The following FOXP1 variants were observed in gnomAD, a reference collection of about 807,000 sequenced individuals.
FOXP1 encodes forkhead box P1.
A neutral mutation model predicts 98.2 loss-of-function variants in FOXP1; 15 were observed. That is an observed-to-expected ratio of 0.15 (90% CI 0.10 to 0.24). The LOEUF is 0.24. Ranked by LOEUF, FOXP1 falls within the 10% of genes least tolerant of loss-of-function variation. FOXP1 has a pLI of 1.00. For missense variants in FOXP1, 633 were observed against 848.5 expected (o/e 0.75, Z 3.15); for synonymous variants, 371 against 314.5 (o/e 1.18, Z -1.90).
chr3:71,286,527 C>G, intron 5 of FOXP1, among the ~76,000 whole-genome samples: 1 of 152,062 alleles, frequency 6.6e-6, no homozygotes, highest in Non-Finnish European at 1.5e-5. Context: ...CAACTATAAA[C>G]AAATTTATAT....
chr3:71,103,027 G>T (rs1165473400), intron 7 of FOXP1, among the ~76,000 whole-genome samples: 1 of 152,132 alleles, frequency 6.6e-6, no homozygotes, highest in African/African-American at 2.4e-5. Context: ...TATTTAATAT[G>T]ATAACTATTA....
At chr3:71,137,794 T>TC (rs11419692) in intron 6 of FOXP1, among the ~76,000 whole-genome samples, 2 of 35,006 alleles carry the variant, frequency 5.7e-5, no homozygotes, top group African/African-American at 6.9e-5. Flanking sequence ...ATTTATTTAT[T>TC]ATTATTTTTT....
At chr3:71,239,040 G>A (rs1242045087) in intron 5 of FOXP1, among the ~76,000 whole-genome samples, 3 of 152,166 alleles carry the variant, frequency 2.0e-5, no homozygotes, top group Non-Finnish European at 4.4e-5. Flanking sequence ...TGAGAATTCA[G>A]ATAAACATTC....
chr3:70,964,947 A>C lies in FOXP1; in HGVS notation c.1889+943T>G, dbSNP rs1379836546. On this transcript the variant is annotated intron_variant, in intron 20 of 20. Transcript: ENST00000649528. ...GTCATAATTTCCATTCCGATCACTT[A>C]AATTATCTTAAAATAAGATGTTGGT... Among the ~76,000 whole-genome samples, 6 of 152,328 alleles carry C rather than the reference A, an allele frequency of 3.9e-5. No homozygotes were observed. In the East Asian group the frequency reaches 1.2e-3, roughly 29 times the overall value.
At chr3:70,963,490 T>G (rs1179037789) in intron 20 of FOXP1, among the ~76,000 whole-genome samples, 1 of 152,210 alleles carries the variant, frequency 6.6e-6, no homozygotes, top group Non-Finnish European at 1.5e-5. Flanking sequence ...CCGTGTCTCC[T>G]GGAAGTTAGG....
chr3:71,261,004 T>G (rs1003201407), intron 5 of FOXP1, among the ~76,000 whole-genome samples: 1 of 152,216 alleles, frequency 6.6e-6, no homozygotes, highest in Admixed American at 6.5e-5. Context: ...TAGAATTTGT[T>G]AAACCATTAA....
intron 4 of FOXP1, chr3:71,334,830 A>G (rs2076572292): frequency 6.6e-6 from 1 of 152,258 alleles, no homozygotes; most frequent in Admixed American, 6.5e-5. Flanking sequence ...ACAGACATTG[A>G]CATAAGGACT....
chr3:71,490,814 A>G (rs762781381), intron 3 of FOXP1, among the ~76,000 whole-genome samples: 3 of 152,198 alleles, frequency 2.0e-5, no homozygotes, highest in Admixed American at 6.5e-5. Context: ...GTTAAATTTC[A>G]TATATCAATT....
rs1491268847 is a variant in FOXP1 at position 71,308,749 on chromosome 3, A to ATATGTG, written c.-72-8870_-72-8869insCACATA. On this transcript the variant is annotated intron_variant, in intron 4 of 20. Transcript: ENST00000649528. ...AATTATTATGAAGCATTCTACCACAATGTGTGTGTGTGTGTGTGTGTGTGT... is the reference window on the plus strand; with the variant it reads ...AATTATTATGAAGCATTCTACCACAATATGTGTGTGTGTGTGTGTGTGTGTGTGTGT... Among the ~76,000 whole-genome samples the ATATGTG allele has an allele frequency of 2.3e-5, 3 of 132,214 alleles. No individual in the cohort carries two copies. In the East Asian group the frequency reaches 7.6e-4, roughly 34 times the overall value. The allele number at this position is 132,214 out of a possible 152,430, so 86.7% of individuals were successfully genotyped here. A position where few individuals can be genotyped will look rare whatever the true frequency, so the allele number is the denominator to read the frequency against.
chr3:71,336,151 C>G (rs1246004050), intron 4 of FOXP1, among the ~76,000 whole-genome samples: 1 of 150,758 alleles, frequency 6.6e-6, no homozygotes, highest in African/African-American at 2.4e-5. Context: ...AGAAGTTACA[C>G]TCATGAAAGA....
intron 3 of FOXP1, among the ~76,000 whole-genome samples, chr3:71,395,096 G>A (rs1246922991): frequency 2.1e-5 from 1 of 46,986 alleles, no homozygotes; most frequent in African/African-American, 1.0e-4. Flanking sequence ...GTGAAACCCC[G>A]TCACAAAAAA....
chr3:70,959,507 G>T, intron 20 of FOXP1, 116 bp from the exon 21 acceptor site: 1 of 1,131,132 alleles, frequency 8.8e-7, no homozygotes, highest in Non-Finnish European at 1.3e-6. Flanking sequence ...ACTCTGTCCA[G>T]TATTGTTACC....
At chr3:71,291,928 A>G (rs528220342) in intron 5 of FOXP1, among the ~76,000 whole-genome samples, 1 of 151,680 alleles carries the variant, frequency 6.6e-6, no homozygotes, top group East Asian at 1.9e-4. Context: ...GATGATTTTG[A>G]TCTCTTGACC....
intron 19 of FOXP1, chr3:70,968,426 A>G (rs1261299847): frequency 7.3e-6 from 1 of 136,902 alleles, no homozygotes; most frequent in Admixed American, 7.8e-5. Flanking sequence ...ACAAAAATGG[A>G]GTTAATTATA....
intron 2 of FOXP1, among the ~76,000 whole-genome samples, chr3:71,566,556 G>A (rs538125788): frequency 1.8e-4 from 27 of 152,328 alleles, no homozygotes; most frequent in Admixed American, 2.0e-4. Flanking sequence ...AATCCAACGG[G>A]CAATTTGGAA....
chr3:71,001,235 T>C (rs1205482523), intron 12 of FOXP1, among the ~76,000 whole-genome samples, 176 bp from the exon 13 acceptor site: 1 of 152,186 alleles, frequency 6.6e-6, no homozygotes, highest in East Asian at 1.9e-4. Context: ...ATGTATAATG[T>C]GGCACACACT....
intron 3 of FOXP1, among the ~76,000 whole-genome samples, chr3:71,442,878 C>CT (rs748276824): frequency 7.1e-6 from 1 of 140,008 alleles, no homozygotes; most frequent in Non-Finnish European, 1.6e-5. Context: ...TTATTTAAAT[C>CT]TTTTTTTATT....
At chr3:71,085,235 C>T (rs1343676494) in intron 7 of FOXP1, among the ~76,000 whole-genome samples, 1 of 152,120 alleles carries the variant, frequency 6.6e-6, no homozygotes, top group Non-Finnish European at 1.5e-5. Context: ...CTCAACCTCC[C>T]ATGGTCAAGC....
chr3:71,194,398 T>C (rs1034401963), intron 6 of FOXP1, among the ~76,000 whole-genome samples: 2 of 152,218 alleles, frequency 1.3e-5, no homozygotes, highest in South Asian at 2.1e-4. Context: ...ATTCTGTTAA[T>C]TGACCTGACA....
Sources: allele counts gnomAD v4.1 joint callset (sites outside exome capture counted in the v4.1 genomes callset), GRCh38; gene constraint gnomAD v4.1.1; transcripts MANE v1.5; gene names NCBI Gene and HGNC (gene_info 2026-07-23, HGNC 2026-07-21).